The following IDS variants were observed in gnomAD, a reference collection of about 807,000 sequenced individuals.
IDS encodes iduronate 2-sulfatase.
IDS carries 1 observed loss-of-function variant against 33.5 expected under a neutral mutation model. The observed-to-expected ratio is 0.03, with a 90% CI of 0.01 to 0.14. IDS has a LOEUF of 0.14. IDS is among the 10% of genes least tolerant of loss of function. IDS has a pLI of 1.00. For missense variants in IDS, 328 were observed against 448.0 expected (o/e 0.73, Z 2.42); for synonymous variants, 191 against 184.4 (o/e 1.04, Z -0.29).
chrX:149,482,505 T>C lies in IDS; in HGVS notation c.*241A>G. On this transcript the variant is annotated 3_prime_UTR_variant, in exon 9 of 9. Transcript: ENST00000340855. ...ATTCAGTAAATAAGCCGTAACTGTT[T>C]TAAAAAGAGGGAAATTAAAAAAAAA... 1 of 405,623 alleles carries C rather than the reference T, an allele frequency of 2.5e-6. No homozygotes were observed. The highest frequency in any genetic ancestry group is 4.3e-5 in the East Asian group (1 of 23,411). 33.4% of individuals were successfully genotyped at this position (405,623 alleles called of 1,213,427 possible).
intron 6 of IDS, among the ~76,000 whole-genome samples, chrX:149,494,339 C>T (rs2089418441): frequency 8.9e-6 from 1 of 111,904 alleles, no homozygotes; most frequent in African/African-American, 3.3e-5. Flanking sequence ...GATAGAAATC[C>T]ATACTCTAGC....
chrX:149,503,155 G>A, intron 3 of IDS, 157 bp downstream of exon 3: 2 of 1,164,435 alleles, frequency 1.7e-6, no homozygotes, highest in Non-Finnish European at 2.3e-6. Flanking sequence ...ACGTGGCTGG[G>A]TTGACAAGTC....
At chrX:149,487,526 C>T (rs1345482298) in intron 7 of IDS, among the ~76,000 whole-genome samples, 15 of 111,808 alleles carry the variant, frequency 1.3e-4, no homozygotes, top group African/African-American at 4.2e-4. Flanking sequence ...TCATGCCCTA[C>T]GAGGTCAGGT....
At position 149,477,272 on chromosome X, in the gene IDS, C is replaced by A. The variant is rs2089271743; in HGVS notation, c.*5474G>T. 2 of 112,559 alleles carry A rather than the reference C, an allele frequency of 1.8e-5. No homozygotes were observed. The highest frequency in any genetic ancestry group is 6.5e-5 in the African/African-American group (2 of 30,989). The allele number at this position is 112,559 out of a possible 1,213,427, so 9.3% of individuals were successfully genotyped here. A position where few individuals can be genotyped will look rare whatever the true frequency, so the allele number is the denominator to read the frequency against. ...TAGAGGAAAAACCAAAAGCAGTTAA[C>A]CCCTGGCCTTTGCTCCTCTCCTTGT... On this transcript the variant is annotated 3_prime_UTR_variant, in exon 9 of 9. Transcript: ENST00000340855.
chrX:149,486,225 CTG>C (rs1351154966), intron 8 of IDS, among the ~76,000 whole-genome samples: 2 of 111,790 alleles, frequency 1.8e-5, no homozygotes, highest in Admixed American at 9.5e-5. Context: ...CTTTCTCAAA[CTG>C]AAACTTTTTG....
rs1323961595 is a variant in IDS at position 149,478,868 on chromosome X, A to G, written c.*3878T>C. 1 of 112,843 alleles carries G rather than the reference A, an allele frequency of 8.9e-6. No individual in the cohort carries two copies. Among genetic ancestry groups the G allele is most frequent in the Non-Finnish European group, 1.9e-5 (1 of 53,384 alleles). The allele number at this position is 112,843 out of a possible 1,213,427, so 9.3% of individuals were successfully genotyped here. ...AAAAAAACCTATCACACAGGAAAAG[A>G]TAAATATGTTTGATTATTTTAAAAG... is the stretch of plus-strand genomic sequence containing the variant. On this transcript the variant is annotated 3_prime_UTR_variant, in exon 9 of 9. Transcript: ENST00000340855.
At chrX:149,502,965 T>C (rs1452481233) in intron 3 of IDS, 5 of 434,841 alleles carry the variant, frequency 1.1e-5, no homozygotes, top group African/African-American at 7.4e-5. Context: ...CCCCTAGGTT[T>C]ACTGACAGGT....
rs2089518144 is a variant in IDS, at chrX:149,505,220, G to A, written c.-83C>T. The A allele has an allele frequency of 7.3e-6, 5 of 683,307 alleles. No homozygotes were observed. The highest frequency in any genetic ancestry group is 3.0e-5 in the South Asian group (1 of 33,523). The allele number at this position is 683,307 out of a possible 1,213,427, so 56.3% of individuals were successfully genotyped here. The stretch of plus-strand genomic sequence containing the variant: ...GTTAGCAGCCGCCGCCGCAGCCACA[G>A]AGACCTCCTCGTCGGGAACCCATGA... On this transcript the variant is annotated 5_prime_UTR_variant, in exon 1 of 9. Coordinates refer to ENST00000340855, the MANE Select transcript of IDS (RefSeq NM_000202.8).
At chrX:149,496,260 G>A (rs1217459653) in intron 6 of IDS, 86 bp downstream of exon 6, 2 of 876,933 alleles carry the variant, frequency 2.3e-6, no homozygotes, top group African/African-American at 3.9e-5. Context: ...CATTATAGGT[G>A]GAGTTGTGTC....
Position 149,482,136 on chromosome X carries a change from T to G in IDS, c.*610A>C, listed in dbSNP as rs191299577. Reference sequence around the variant, plus strand: ...CTACATTAATTACTTCATACATATTTTATCTTGAGATTATGAAATCCCATG... The same window carrying G: ...CTACATTAATTACTTCATACATATTGTATCTTGAGATTATGAAATCCCATG... On this transcript the variant is annotated 3_prime_UTR_variant, in exon 9 of 9. Coordinates refer to ENST00000340855, the MANE Select transcript of IDS (RefSeq NM_000202.8). The G allele has an allele frequency of 8.9e-6, 1 of 112,525 alleles. No homozygotes were observed. Among genetic ancestry groups the G allele is most frequent in the African/African-American group, 3.2e-5 (1 of 31,059 alleles). The allele number at this position is 112,525 out of a possible 1,213,427, so 9.3% of individuals were successfully genotyped here.
intron 6 of IDS, among the ~76,000 whole-genome samples, chrX:149,495,875 A>G (rs2089432096): frequency 8.9e-6 from 1 of 112,289 alleles, no homozygotes; most frequent in South Asian, 3.7e-4. Flanking sequence ...TTCCCTCTGC[A>G]CCAAGGGCCT....
intron 3 of IDS, chrX:149,502,565 G>A: frequency 7.7e-6 from 1 of 129,077 alleles, no homozygotes; most frequent in Non-Finnish European, 1.6e-5. Context: ...TGTAACCACT[G>A]AGCAAAGGGA....
chrX:149,501,035 T>C lies in IDS; in HGVS notation c.421A>G (p.Ile141Val). 1 of 1,124,957 alleles carries C rather than the reference T, an allele frequency of 8.9e-7. No individual in the cohort carries two copies. Among genetic ancestry groups the C allele is most frequent in the Non-Finnish European group, 1.2e-6 (1 of 817,406 alleles). The allele number at this position is 1,124,957 out of a possible 1,213,427, so 92.7% of individuals were successfully genotyped here. A position where few individuals can be genotyped will look rare whatever the true frequency, so the allele number is the denominator to read the frequency against. ...MSVGKVFHPG[I>V]SSNHTDDSPY... Reference sequence around the variant, plus strand: ...GAATCATCGGTATGGTTAGAAGATATCCCTTGGAAAAAAAAAAAGGTTGTT... The same window carrying C: ...GAATCATCGGTATGGTTAGAAGATACCCCTTGGAAAAAAAAAAAGGTTGTT... The change falls in exon 4 of 9, where the codon ATA becomes GTA. Residue 141 changes from isoleucine to valine, a missense_variant and splice_region_variant. By Grantham distance (29) the Ile-to-Val change is conservative. Transcript: ENST00000340855.
At chrX:149,501,971 T>C (rs886477160) in intron 3 of IDS, 16 of 240,600 alleles carry the variant, frequency 6.7e-5, no homozygotes, top group Non-Finnish European at 1.1e-4. Context: ...TTGACTCCCA[T>C]GAGCCTTCAT....
rs2089379267 is a variant in IDS, at chrX:149,490,364, T to C, written c.956A>G (p.Asp319Gly). ...GGTGCTGTTGGCCAGCTGAAGATCG[T>C]CCAAAGCACTCAAGAGGCGGCCGAC... ...TQVGRLLSAL[D>G]DLQLANSTII... Residue 319 changes from aspartate to glycine, a missense_variant, in exon 7 of 9, where the codon GAC becomes GGC. This residue lies in a region of IDS where 265 missense variants were observed against 339.2 expected (regional missense o/e 0.78). Transcript: ENST00000340855. The C allele has an allele frequency of 1.7e-6, 2 of 1,209,582 alleles. No homozygotes were observed. The highest frequency in any genetic ancestry group is 2.2e-6 in the Non-Finnish European group (2 of 893,540).
intron 7 of IDS, among the ~76,000 whole-genome samples, chrX:149,487,703 T>C (rs2089351136): frequency 8.9e-6 from 1 of 112,337 alleles, no homozygotes; most frequent in Admixed American, 9.4e-5. Flanking sequence ...AAACAACCCT[T>C]CATGCCTATT....
In IDS at chrX:149,483,102, T is replaced by C. The variant is rs2089307094; in HGVS notation, c.1297A>G (p.Arg433Gly). The C allele has an allele frequency of 3.3e-6, 4 of 1,209,676 alleles. No individual in the cohort carries two copies. Among genetic ancestry groups the C allele is most frequent in the Middle Eastern group, 2.3e-4 (1 of 4,348 alleles). Reference protein sequence around the residue: ...PVPSFHVELCREGKNLLKHFR... With the variant: ...PVPSFHVELCGEGKNLLKHFR... ...TGCTTCAGAAGGTTCTTGCCTTCTC[T>C]GCACAGCTCAACGTGAAATGAAGGA... is the stretch of plus-strand genomic sequence containing the variant. Residue 433 changes from arginine to glycine, a missense_variant, in exon 9 of 9, where the codon AGA becomes GGA. This residue lies in a region of IDS where 265 missense variants were observed against 339.2 expected (regional missense o/e 0.78). Coordinates refer to ENST00000340855, the MANE Select transcript of IDS (RefSeq NM_000202.8).
At chrX:149,484,611 C>T (rs782183013) in intron 8 of IDS, among the ~76,000 whole-genome samples, 17 of 112,972 alleles carry the variant, frequency 1.5e-4, no homozygotes, top group East Asian at 8.3e-4. Flanking sequence ...TGAGCCACCA[C>T]GCCCAGCCTT....
intron 8 of IDS, among the ~76,000 whole-genome samples, chrX:149,483,522 C>T (rs929407915): frequency 1.8e-5 from 2 of 111,454 alleles, no homozygotes; most frequent in African/African-American, 6.5e-5. Flanking sequence ...TCAATTAAGG[C>T]TACAACCACT....
Sources: allele counts gnomAD v4.1 joint callset (sites outside exome capture counted in the v4.1 genomes callset), GRCh38; gene constraint gnomAD v4.1.1; regional missense constraint gnomAD v4.1.1; transcripts MANE v1.5; gene names NCBI Gene and HGNC (gene_info 2026-07-23, HGNC 2026-07-21).